GRM7: variants seen among roughly 807,000 people sequenced by gnomAD.
The protein encoded by GRM7 is glutamate metabotropic receptor 7, also known as metabotropic glutamate receptor 7.
In GRM7, 35 loss-of-function variants were observed where a neutral mutation model predicts 84.5. That is an observed-to-expected ratio of 0.41 (90% CI 0.32 to 0.55). The LOEUF is 0.55. Ranked by LOEUF, GRM7 falls within the 20% of genes least tolerant of loss-of-function variation. The pLI, the probability that GRM7 is intolerant of heterozygous loss-of-function variation, is 0.19. For missense variants in GRM7, 1,003 were observed against 1,194.6 expected, an observed-to-expected ratio of 0.84 and a Z score of 2.36; for synonymous variants, 487 against 455.1, an observed-to-expected ratio of 1.07 and a Z score of -0.89.
At chr3:7,694,641 A>C (rs1335366808) in intron 9 of GRM7, among the ~76,000 whole-genome samples, 1 of 152,168 alleles carries the variant, frequency 6.6e-6, no homozygotes, top group Non-Finnish European at 1.5e-5. Flanking sequence ...TCACATTTAA[A>C]CACACTCAGT....
chr3:7,167,102 T>C (rs1336456232), intron 2 of GRM7, among the ~76,000 whole-genome samples: 1 of 152,240 alleles, frequency 6.6e-6, no homozygotes, highest in Non-Finnish European at 1.5e-5. Context: ...CTATTGGTAA[T>C]GGAGCCTTAA....
At position 7,306,656 on chromosome 3, in the gene GRM7, T is replaced by C. The variant is rs1700204259; in HGVS notation, c.1033+4T>C. The C allele has an allele frequency of 6.3e-7, 1 of 1,589,376 alleles. No individual in the cohort carries two copies. Among genetic ancestry groups the C allele is most frequent in the Non-Finnish European group, 8.6e-7 (1 of 1,167,140 alleles). On this transcript the variant is annotated splice_donor_region_variant and intron_variant, in intron 4 of 9. Transcript: ENST00000357716. ...CCCAAGCGAGCCACGGTGGAAGGTA[T>C]GGGTTTCATCAGCAGTAGGTTTGCT... is the stretch of plus-strand genomic sequence containing the variant.
chr3:7,061,266 G>A (rs572690153), intron 1 of GRM7, among the ~76,000 whole-genome samples: 95 of 151,850 alleles, frequency 6.3e-4, no homozygotes, highest in African/African-American at 2.3e-3. Flanking sequence ...TATAAATATG[G>A]CTGGAATAGT....
intron 8 of GRM7, among the ~76,000 whole-genome samples, chr3:7,587,575 C>A (rs148250801): frequency 3.0e-4 from 46 of 152,280 alleles, no homozygotes; most frequent in African/African-American, 1.1e-3. Context: ...TATTAAGGAG[C>A]ATGCACTTTG....
intron 4 of GRM7, among the ~76,000 whole-genome samples, chr3:7,391,794 CA>C (rs1695008811): frequency 6.6e-6 from 1 of 151,504 alleles, no homozygotes; most frequent in African/African-American, 2.4e-5. Flanking sequence ...AGGTAGAGGT[CA>C]GGGGAGAGGT....
At chr3:7,596,480 G>T (rs1264140318) in intron 8 of GRM7, among the ~76,000 whole-genome samples, 1 of 152,112 alleles carries the variant, frequency 6.6e-6, no homozygotes, top group Admixed American at 6.6e-5. Flanking sequence ...TGATGCCCAA[G>T]ATACTCCAAT....
intron 1 of GRM7, among the ~76,000 whole-genome samples, chr3:7,056,975 A>C (rs1321653476): frequency 6.6e-6 from 1 of 151,978 alleles, no homozygotes; most frequent in Non-Finnish European, 1.5e-5. Flanking sequence ...AATTTTCTAA[A>C]TCATTCTGCA....
chr3:7,176,207 G>A (rs1279060694), intron 2 of GRM7, among the ~76,000 whole-genome samples: 2 of 119,726 alleles, frequency 1.7e-5, no homozygotes, highest in African/African-American at 6.5e-5. Flanking sequence ...GCAACATAAG[G>A]AGACCTCATC....
intron 2 of GRM7, among the ~76,000 whole-genome samples, chr3:7,224,798 T>G (rs1460431745): frequency 6.6e-6 from 1 of 152,134 alleles, no homozygotes; most frequent in Non-Finnish European, 1.5e-5. Context: ...GGATGTGTCA[T>G]GTGTAGTGGG....
At chr3:6,911,383 TA>T (rs1435085446) in intron 1 of GRM7, among the ~76,000 whole-genome samples, 8 of 152,122 alleles carry the variant, frequency 5.3e-5, no homozygotes, top group Admixed American at 5.2e-4. Context: ...AAAAGATAAA[TA>T]GTAGAAATTT....
chr3:7,250,418 A>T (rs995982651), intron 2 of GRM7, among the ~76,000 whole-genome samples: 3 of 151,904 alleles, frequency 2.0e-5, no homozygotes, highest in African/African-American at 7.2e-5. Flanking sequence ...TTGATAAATA[A>T]GCACTCATTT....
intron 3 of GRM7, among the ~76,000 whole-genome samples, chr3:7,299,723 A>G (rs1240249629): frequency 6.7e-6 from 1 of 149,644 alleles, no homozygotes; most frequent in Non-Finnish European, 1.5e-5. Context: ...GAGATCACTG[A>G]ATATTAGTAC....
At chr3:7,735,069 A>G (rs981718703) in intron 9 of GRM7, among the ~76,000 whole-genome samples, 3 of 152,100 alleles carry the variant, frequency 2.0e-5, no homozygotes, top group Non-Finnish European at 4.4e-5. Context: ...ACTTCTTTTT[A>G]TTTTAGTAAC....
chr3:7,110,296 A>G (rs951216339), intron 1 of GRM7, among the ~76,000 whole-genome samples: 1 of 152,044 alleles, frequency 6.6e-6, no homozygotes, highest in African/African-American at 2.4e-5. Context: ...GGAAACTATA[A>G]TGTAAAATAT....
In GRM7 at chr3:7,237,584, T is replaced by C. The variant is rs180852373; in HGVS notation, c.737-61100T>C. ...TGTGTCCGGAGTTTCTTCCTTCTGG[T>C]GGGTTCGTGGTCTCGCTGGCTTCAG... On this transcript the variant is annotated intron_variant, in intron 2 of 9. Transcript: ENST00000357716. 2.3e-4 allele frequency among the ~76,000 whole-genome samples: 35 copies of C among 152,218 alleles called. No homozygotes were observed. The East Asian group carries it at 6.4e-3, about 28-fold the overall frequency.
chr3:7,377,293 G>A (rs1055756941), intron 4 of GRM7, among the ~76,000 whole-genome samples: 1 of 152,192 alleles, frequency 6.6e-6, no homozygotes, highest in East Asian at 1.9e-4. Flanking sequence ...AGCACAGCCT[G>A]TGTGACACTT....
In GRM7 at chr3:7,185,323, G is replaced by GT; in HGVS notation, c.736+38662dup. 5.9e-5 allele frequency among the ~76,000 whole-genome samples: 9 copies of GT among 152,186 alleles called. 1 individual carries two copies. The highest frequency in any genetic ancestry group is 5.9e-4 in the Admixed American group (9 of 15,278). ...CCAACGAGAGTTGAGAAGTGATGGG[G>GT]TTTTTTTGGCTTTGGTTGTATTATT... On this transcript the variant is annotated intron_variant, in intron 2 of 9. Transcript: ENST00000357716.
At chr3:7,650,262 C>G (rs993765741) in intron 8 of GRM7, among the ~76,000 whole-genome samples, 1 of 152,160 alleles carries the variant, frequency 6.6e-6, no homozygotes, top group Non-Finnish European at 1.5e-5. Context: ...CTGGCTCTGC[C>G]CCTTCCCAGC....
At chr3:7,675,273 C>T (rs1369331919) in intron 8 of GRM7, among the ~76,000 whole-genome samples, 1 of 152,248 alleles carries the variant, frequency 6.6e-6, no homozygotes, top group East Asian at 1.9e-4. Flanking sequence ...TGAGAATATT[C>T]TGGTTTTCAA....
Sources: allele counts gnomAD v4.1 joint callset (sites outside exome capture counted in the v4.1 genomes callset), GRCh38; gene constraint gnomAD v4.1.1; transcripts MANE v1.5; gene names NCBI Gene and HGNC (gene_info 2026-07-23, HGNC 2026-07-21).